UGGT2: variants seen among roughly 807,000 people sequenced by gnomAD.
UGGT2 encodes the protein UDP-glucose glycoprotein glucosyltransferase 2, also known as UDP-glucose:glycoprotein glucosyltransferase 2.
Under a neutral mutation model 192.1 loss-of-function variants are expected in UGGT2, and 180 were observed. That is an observed-to-expected ratio of 0.94 (90% CI 0.83 to 1.06). UGGT2 has a LOEUF of 1.06. Ranked by LOEUF, UGGT2 falls within the 50% of genes least tolerant of loss-of-function variation. The probability of loss-of-function intolerance (pLI) is 0.00; values close to 1 mark genes in which losing one functional copy is unlikely to be tolerated. For missense variants in UGGT2, 1,849 were observed against 1,795.7 expected (o/e 1.03, Z -0.54); for synonymous variants, 580 against 591.0 (o/e 0.98, Z 0.27).
intron 22 of UGGT2, 22 bp from the exon 23 acceptor site, chr13:95,895,326 T>C (rs2047917416): frequency 7.6e-7 from 1 of 1,310,938 alleles, no homozygotes. Flanking sequence ...AACAGTTATA[T>C]TATCATATAT....
intron 1 of UGGT2, among the ~76,000 whole-genome samples, chr13:96,035,134 T>C (rs2052962578): frequency 1.3e-5 from 2 of 152,158 alleles, no homozygotes; most frequent in Admixed American, 6.5e-5. Flanking sequence ...AGAACAAAGC[T>C]GGAGGCATCA....
At chr13:96,038,318 A>G (rs1420075275) in intron 1 of UGGT2, among the ~76,000 whole-genome samples, 1 of 152,234 alleles carries the variant, frequency 6.6e-6, no homozygotes, top group African/African-American at 2.4e-5. Context: ...ATTAGCATAT[A>G]TGATACCTTA....
At chr13:95,834,273 T>G (rs1887041224) in intron 37 of UGGT2, among the ~76,000 whole-genome samples, 1 of 152,060 alleles carries the variant, frequency 6.6e-6, no homozygotes, top group Admixed American at 6.6e-5. Context: ...TAAGCTTTAT[T>G]AGTGTTTCTT....
intron 24 of UGGT2, among the ~76,000 whole-genome samples, 196 bp from the exon 25 acceptor site, chr13:95,891,160 A>C (rs73558639): frequency 0.017 from 2,527 of 152,246 alleles, 70 homozygotes; most frequent in African/African-American, 0.058. Context: ...ATGAGAGAAA[A>C]TGAAGTAAGG....
rs2047895873 is a variant in UGGT2, at chr13:95,894,659, T to C, written c.2760-2A>G. On this transcript the variant is annotated splice_acceptor_variant, in intron 23 of 38. Coordinates refer to ENST00000376747, the MANE Select transcript of UGGT2 (RefSeq NM_020121.4). LOFTEE classifies it high-confidence loss of function. Reference sequence around the variant, plus strand: ...ACTTTCATAATAAAGTCACTCATGCTAGATAAACAAGACAAACAGTGTATG... The same window carrying C: ...ACTTTCATAATAAAGTCACTCATGCCAGATAAACAAGACAAACAGTGTATG... The C allele has an allele frequency of 6.2e-7, 1 of 1,609,606 alleles. No individual in the cohort carries two copies. Among genetic ancestry groups the C allele is most frequent in the Admixed American group, 1.7e-5 (1 of 59,416 alleles).
chr13:95,971,321 T>C (rs1438420498), intron 11 of UGGT2, among the ~76,000 whole-genome samples: 1 of 152,190 alleles, frequency 6.6e-6, no homozygotes, highest in African/African-American at 2.4e-5. Flanking sequence ...TTCATCTTCC[T>C]CTTTGCATTA....
rs574474019 is a variant in UGGT2 at position 95,881,447 on chromosome 13, A to G, written c.3228+3044T>C. On this transcript the variant is annotated intron_variant, in intron 27 of 38. Coordinates refer to ENST00000376747, the MANE Select transcript of UGGT2 (RefSeq NM_020121.4). ...TAAGTGTTTGATGGTTTGAGACATA[A>G]ATTTCATATATTATGCACTGAGAGA... Among the ~76,000 whole-genome samples the G allele has an allele frequency of 6.6e-5, 10 of 152,262 alleles. No homozygotes were observed. In the South Asian group the frequency reaches 2.1e-3, roughly 32 times the overall value.
chr13:95,873,800 G>C (rs1043441986), intron 29 of UGGT2, among the ~76,000 whole-genome samples: 1 of 152,102 alleles, frequency 6.6e-6, no homozygotes, highest in African/African-American at 2.4e-5. Context: ...CACAATGTTG[G>C]GTTCCCAGTG....
chr13:96,052,268 G>A (rs2053507154), intron 1 of UGGT2, among the ~76,000 whole-genome samples: 1 of 152,206 alleles, frequency 6.6e-6, no homozygotes, highest in African/African-American at 2.4e-5. Flanking sequence ...ACTAAGCTAT[G>A]AGGATGCAAA....
rs4773928 is a variant in UGGT2 at position 95,862,624 on chromosome 13, A to T, written c.3644+1005T>A. Among the ~76,000 whole-genome samples, 5 of 151,902 alleles carry T rather than the reference A, an allele frequency of 3.3e-5. No homozygotes were observed. In the South Asian group the frequency reaches 8.3e-4, roughly 25 times the overall value. On this transcript the variant is annotated intron_variant, in intron 31 of 38. Coordinates refer to ENST00000376747, the MANE Select transcript of UGGT2 (RefSeq NM_020121.4). ...GAAATCAGTTCAGTTTGGGACACAC[A>T]GCTATAGTTGGACCCATGAGTCAGC...
At chr13:95,911,658 A>G (rs1191165896) in intron 20 of UGGT2, among the ~76,000 whole-genome samples, 1 of 152,216 alleles carries the variant, frequency 6.6e-6, no homozygotes, top group African/African-American at 2.4e-5. Flanking sequence ...CAAGAGGTAC[A>G]AAGAGGAGCT....
At chr13:96,029,772 A>G (rs1313364914) in intron 2 of UGGT2, among the ~76,000 whole-genome samples, 1 of 152,236 alleles carries the variant, frequency 6.6e-6, no homozygotes. Context: ...TATTTAAGTA[A>G]CTTAAAATGA....
At chr13:96,020,766 T>G (rs950830680) in intron 4 of UGGT2, among the ~76,000 whole-genome samples, 5 of 152,172 alleles carry the variant, frequency 3.3e-5, no homozygotes, top group Non-Finnish European at 7.4e-5. Context: ...AGAAGCTGTG[T>G]GTCAGTCAAC....
At chr13:96,026,711 T>TCGGACTG (rs1566838704) in intron 2 of UGGT2, among the ~76,000 whole-genome samples, 2 of 143,490 alleles carry the variant, frequency 1.4e-5, no homozygotes, top group South Asian at 2.2e-4. Flanking sequence ...GTCGCCCAGG[T>TCGGACTG]CGGACTGCGG....
At chr13:95,863,547 A>C in intron 31 of UGGT2, 82 bp downstream of exon 31, 2 of 1,140,758 alleles carry the variant, frequency 1.8e-6, no homozygotes, top group Non-Finnish European at 2.6e-6. Flanking sequence ...GCCTTACTTA[A>C]ATTTTCACTA....
rs2047590375 is a variant in UGGT2 at position 95,884,567 on chromosome 13, T to C, written c.3152A>G (p.Asn1051Ser). 6.2e-7 allele frequency: 1 copy of C among 1,613,970 alleles called. No homozygotes were observed. The highest frequency in any genetic ancestry group is 2.2e-5 in the East Asian group (1 of 44,836). ...CAACCAGCCTTCTGGAGTAATCATG[T>C]TGAGGATTAGGAGGGGTGATTCAGG... is the stretch of plus-strand genomic sequence containing the variant. ...DIPESPLLIL[N>S]MITPEGWLVE... is the part of the protein sequence containing the mutation. Residue 1051 changes from asparagine (N) to serine (S), a missense_variant, in exon 27 of 39, where the codon AAC becomes AGC. By Grantham distance (46) the Asn-to-Ser change is conservative. Transcript: ENST00000376747.
At chr13:96,019,195 C>T (rs886371618) in intron 4 of UGGT2, among the ~76,000 whole-genome samples, 21 of 131,780 alleles carry the variant, frequency 1.6e-4, no homozygotes, top group African/African-American at 6.0e-4. Context: ...AATAAGTTAG[C>T]TTTTCATTGT....
At chr13:96,025,306 A>T (rs1332092774) in intron 2 of UGGT2, among the ~76,000 whole-genome samples, 2 of 152,174 alleles carry the variant, frequency 1.3e-5, no homozygotes, top group Non-Finnish European at 2.9e-5. Flanking sequence ...ATTTGAGGAG[A>T]GTGCTTGAGA....
chr13:96,048,702 A>G (rs1383573295), intron 1 of UGGT2, among the ~76,000 whole-genome samples: 1 of 152,212 alleles, frequency 6.6e-6, no homozygotes, highest in African/African-American at 2.4e-5. Flanking sequence ...AGAATACTAT[A>G]AACACCTCTA....
Sources: gnomAD v4.1 joint callset for allele counts (sites outside exome capture counted in the v4.1 genomes callset) on GRCh38, gnomAD v4.1.1 for gene constraint, MANE v1.5 for transcripts, NCBI Gene and HGNC (gene_info 2026-07-23, HGNC 2026-07-21) for gene names.